Variants in TMEM132D observed in about 807,000 individuals in gnomAD.
The protein encoded by TMEM132D is mature OL transmembrane protein.
In TMEM132D, 21 loss-of-function variants were observed where a neutral mutation model predicts 62.3. The observed-to-expected ratio is 0.34, with a 90% CI of 0.24 to 0.49. The LOEUF (loss-of-function observed/expected upper bound fraction) is 0.49. Among genes scored for constraint, TMEM132D ranks in the 20% least tolerant of loss-of-function variants. TMEM132D has a pLI of 0.99. For missense variants in TMEM132D, 1,346 were observed against 1,402.8 expected (o/e 0.96, Z 0.65); for synonymous variants, 621 against 575.6 (o/e 1.08, Z -1.13).
chr12:129,120,377 T>A (rs1170554467), intron 5 of TMEM132D, among the ~76,000 whole-genome samples: 2 of 152,154 alleles, frequency 1.3e-5, no homozygotes, highest in Non-Finnish European at 2.9e-5. Flanking sequence ...CAATAATTAG[T>A]CATATTGGTG....
chr12:129,347,369 C>A (rs1184789523), intron 3 of TMEM132D, among the ~76,000 whole-genome samples: 6 of 152,092 alleles, frequency 3.9e-5, no homozygotes, highest in East Asian at 3.9e-4. Flanking sequence ...ATATAGAGAC[C>A]AATGGAACAG....
chr12:129,255,022 T>C (rs1190555152), intron 4 of TMEM132D, among the ~76,000 whole-genome samples: 1 of 152,158 alleles, frequency 6.6e-6, no homozygotes, highest in Non-Finnish European at 1.5e-5. Context: ...TTTGGTGCTG[T>C]TCTCACGATA....
intron 4 of TMEM132D, among the ~76,000 whole-genome samples, chr12:129,225,993 T>C (rs1281529346): frequency 2.6e-5 from 4 of 152,150 alleles, no homozygotes; most frequent in Non-Finnish European, 5.9e-5. Context: ...GCTCAGCCAA[T>C]GAACAATAAT....
chr12:129,438,292 T>C (rs4759933), intron 3 of TMEM132D, among the ~76,000 whole-genome samples: 50,523 of 151,992 alleles, frequency 0.33, 10,271 homozygotes, highest in Non-Finnish European at 0.47. Context: ...GTATTTCTGG[T>C]TCTAGATCCT....
chr12:129,515,663 C>T (rs1875651604), intron 3 of TMEM132D, among the ~76,000 whole-genome samples: 1 of 152,184 alleles, frequency 6.6e-6, no homozygotes, highest in Non-Finnish European at 1.5e-5. Context: ...GTAATACCCT[C>T]ATTCCAGAGG....
chr12:129,297,933 A>AGCTGG (rs1881617674), intron 4 of TMEM132D, among the ~76,000 whole-genome samples: 1 of 152,164 alleles, frequency 6.6e-6, no homozygotes, highest in Non-Finnish European at 1.5e-5. Flanking sequence ...GAGGCTTTTG[A>AGCTGG]GCTGGTAATT....
intron 1 of TMEM132D, among the ~76,000 whole-genome samples, chr12:129,899,853 A>G (rs1875293393): frequency 7.5e-6 from 1 of 133,622 alleles, no homozygotes; most frequent in Non-Finnish European, 1.6e-5. Context: ...TTTGAATGTA[A>G]GCAAAAAGCC....
At chr12:129,466,100 C>A (rs1454772805) in intron 3 of TMEM132D, among the ~76,000 whole-genome samples, 2 of 152,040 alleles carry the variant, frequency 1.3e-5, no homozygotes, top group African/African-American at 2.4e-5. Flanking sequence ...ACATAACAAG[C>A]AAGAAGAAGT....
At chr12:129,147,486 T>A (rs141937430) in intron 5 of TMEM132D, among the ~76,000 whole-genome samples, 1 of 152,276 alleles carries the variant, frequency 6.6e-6, no homozygotes, top group Admixed American at 6.5e-5. Context: ...AGTATAGTTA[T>A]TAAATTCGGT....
intron 2 of TMEM132D, among the ~76,000 whole-genome samples, chr12:129,577,019 G>T (rs1877682135): frequency 1.3e-5 from 2 of 151,934 alleles, no homozygotes; most frequent in Middle Eastern, 3.4e-3. Flanking sequence ...CCTTTCTCTT[G>T]CAATGTCATA....
At chr12:129,255,222 A>G (rs1402750786) in intron 4 of TMEM132D, among the ~76,000 whole-genome samples, 1 of 152,220 alleles carries the variant, frequency 6.6e-6, no homozygotes, top group Non-Finnish European at 1.5e-5. Flanking sequence ...AAGAACGGTG[A>G]GCCAATTAAA....
intron 3 of TMEM132D, among the ~76,000 whole-genome samples, chr12:129,524,943 T>TC (rs1295976680): frequency 7.4e-6 from 1 of 134,398 alleles, no homozygotes; most frequent in Non-Finnish European, 1.6e-5. Context: ...TTTTTTTTTT[T>TC]TGAGACGGAG....
At chr12:129,461,224 C>T (rs950504034) in intron 3 of TMEM132D, among the ~76,000 whole-genome samples, 1 of 152,110 alleles carries the variant, frequency 6.6e-6, no homozygotes, top group African/African-American at 2.4e-5. Context: ...CTCAAGAGAT[C>T]TTACCCAGGG....
chr12:129,777,876 G>C (rs1870991644), intron 1 of TMEM132D, among the ~76,000 whole-genome samples: 2 of 152,114 alleles, frequency 1.3e-5, no homozygotes, highest in Admixed American at 6.6e-5. Flanking sequence ...GCTCACCCCT[G>C]TAATCCCAGC....
chr12:129,685,088 G>A (rs1880874891), intron 2 of TMEM132D, among the ~76,000 whole-genome samples: 1 of 152,174 alleles, frequency 6.6e-6, no homozygotes, highest in Admixed American at 6.5e-5. Flanking sequence ...GAAAATCAAT[G>A]ACCTGAAGAT....
At chr12:129,595,208 C>G (rs1245665864) in intron 2 of TMEM132D, among the ~76,000 whole-genome samples, 3 of 152,164 alleles carry the variant, frequency 2.0e-5, no homozygotes, top group South Asian at 2.1e-4. Context: ...GAGTGCTTAT[C>G]TTGTACCTAC....
At chr12:129,860,912 C>T (rs1474499258) in intron 1 of TMEM132D, among the ~76,000 whole-genome samples, 2 of 152,124 alleles carry the variant, frequency 1.3e-5, no homozygotes, top group Non-Finnish European at 2.9e-5. Flanking sequence ...GAAACTGCCT[C>T]CATGATTCAA....
At chr12:129,123,111 A>T (rs967998787) in intron 5 of TMEM132D, among the ~76,000 whole-genome samples, 6 of 152,154 alleles carry the variant, frequency 3.9e-5, no homozygotes, top group Non-Finnish European at 7.4e-5. Flanking sequence ...TAAAAAATAA[A>T]TTTTTGTTGA....
intron 1 of TMEM132D, among the ~76,000 whole-genome samples, chr12:129,888,483 A>G (rs1042971877): frequency 5.3e-5 from 8 of 152,196 alleles, no homozygotes; most frequent in Admixed American, 2.6e-4. Context: ...GGATCACCTG[A>G]GGTCAGGAGT....
Sources: gnomAD v4.1 joint callset for allele counts (sites outside exome capture counted in the v4.1 genomes callset) on GRCh38, gnomAD v4.1.1 for gene constraint, MANE v1.5 for transcripts, NCBI Gene and HGNC (gene_info 2026-07-23, HGNC 2026-07-21) for gene names.